RREB1: variants seen among roughly 807,000 people sequenced by gnomAD.
The protein encoded by RREB1 is ras responsive element binding protein 1.
In RREB1, 27 loss-of-function variants were observed where a neutral mutation model predicts 117.8. The ratio of observed to expected loss-of-function variants is 0.23; its 90% confidence interval spans 0.17 to 0.32. The LOEUF (loss-of-function observed/expected upper bound fraction) is 0.32. RREB1 is among the 10% of genes least tolerant of loss of function. The probability of loss-of-function intolerance (pLI) is 1.00; values close to 1 mark genes in which losing one functional copy is unlikely to be tolerated. For missense variants in RREB1, 2,577 were observed against 2,378.2 expected (o/e 1.08, Z -1.74); for synonymous variants, 1,298 against 1,026.7 (o/e 1.26, Z -5.05).
At chr6:7,182,391 T>A (rs1437897480) in intron 4 of RREB1, among the ~76,000 whole-genome samples, 1 of 152,240 alleles carries the variant, frequency 6.6e-6, no homozygotes, top group South Asian at 2.1e-4. Flanking sequence ...ATTTCTGTGA[T>A]GTGGTTTGTT....
intron 1 of RREB1, among the ~76,000 whole-genome samples, chr6:7,168,253 T>TGA (rs1764050758): frequency 3.7e-5 from 3 of 81,400 alleles, no homozygotes; most frequent in Non-Finnish European, 6.8e-5. Flanking sequence ...AGACTCCGTC[T>TGA]GAAAAAAAAA....
rs143321297 is a variant in RREB1, at chr6:7,108,316, T to TTCCTCCTCCTCCTCCTCCTCC, written c.-285+260_-285+280dup. On this transcript the variant is annotated intron_variant, in intron 1 of 12. Transcript: ENST00000379938. ...TCCCCTCGGGCTGCGCGCCGGGCCA[T>TTCCTCCTCCTCCTCCTCCTCC]TCCTCCTCCTCCTCCTCCTCCTCCC... Among the ~76,000 whole-genome samples the TTCCTCCTCCTCCTCCTCCTCC allele has an allele frequency of 4.4e-3, 649 of 148,112 alleles. 4 individuals are homozygous for TTCCTCCTCCTCCTCCTCCTCC. The highest frequency in any genetic ancestry group is 5.6e-3 in the Non-Finnish European group (374 of 66,322).
chr6:7,178,441 G>A (rs188640289), intron 2 of RREB1, among the ~76,000 whole-genome samples: 2 of 152,278 alleles, frequency 1.3e-5, no homozygotes, highest in East Asian at 1.9e-4. Flanking sequence ...GCTCTGGTTC[G>A]ATGATCTTGT....
At chr6:7,180,565 T>G (rs1482269433) in intron 2 of RREB1, among the ~76,000 whole-genome samples, 1 of 152,250 alleles carries the variant, frequency 6.6e-6, no homozygotes, top group Non-Finnish European at 1.5e-5. Flanking sequence ...TCATACCTAC[T>G]GACTGGACCT....
chr6:7,251,037 G>A lies in RREB1; in HGVS notation c.*2069G>A, dbSNP rs1254147987. The A allele has an allele frequency of 6.6e-6, 1 of 151,852 alleles. No individual in the cohort carries two copies. Among genetic ancestry groups the A allele is most frequent in the Non-Finnish European group, 1.5e-5 (1 of 67,970 alleles). The allele number at this position is 151,852 out of a possible 1,614,324, so 9.4% of individuals were successfully genotyped here. ...TTGTTATTATTATTTGGGGTTTCTT[G>A]TGTTTTTTCTTTGCGACTCTCCACA... On this transcript the variant is annotated 3_prime_UTR_variant, in exon 13 of 13. Coordinates refer to ENST00000379938, the MANE Select transcript of RREB1 (RefSeq NM_001003699.4).
intron 1 of RREB1, among the ~76,000 whole-genome samples, chr6:7,117,497 G>A (rs750356791): frequency 3.8e-5 from 5 of 132,792 alleles, no homozygotes; most frequent in African/African-American, 5.7e-5. Flanking sequence ...TGCAACCTCC[G>A]CCTCCCAGGT....
Position 7,230,338 on chromosome 6 carries a change from G to C in RREB1, c.2239G>C (p.Ala747Pro). 1.3e-6 allele frequency: 2 copies of C among 1,589,372 alleles called. No individual in the cohort carries two copies. Among genetic ancestry groups the C allele is most frequent in the South Asian group, 2.2e-5 (2 of 89,902 alleles). Residue 747 changes from alanine to proline, a missense_variant, in exon 10 of 13, where the codon GCC becomes CCC. Transcript: ENST00000379938. ...TAGCAGCGCGGCCGAGCTGGTGGACGCCTTCTGCGCCCCGGACACCGTGTG... is the reference window on the plus strand; with the variant it reads ...TAGCAGCGCGGCCGAGCTGGTGGACCCCTTCTGCGCCCCGGACACCGTGTG... Reference protein sequence around the residue: ...VSSSAAELVDAFCAPDTVCRL... With the variant: ...VSSSAAELVDPFCAPDTVCRL...
At chr6:7,241,320 C>G (rs1365766747) in intron 11 of RREB1, among the ~76,000 whole-genome samples, 2 of 152,120 alleles carry the variant, frequency 1.3e-5, no homozygotes, top group African/African-American at 2.4e-5. Flanking sequence ...TCCATCCGCT[C>G]GGACTGCTGG....
intron 1 of RREB1, among the ~76,000 whole-genome samples, chr6:7,132,631 G>A (rs1762199134): frequency 6.6e-6 from 1 of 152,216 alleles, no homozygotes; most frequent in Non-Finnish European, 1.5e-5. Context: ...GCAGTTGGGT[G>A]TCTTGCCCAT....
intron 1 of RREB1, among the ~76,000 whole-genome samples, chr6:7,143,895 A>T (rs1762744956): frequency 7.4e-6 from 1 of 135,390 alleles, no homozygotes; most frequent in South Asian, 2.3e-4. Flanking sequence ...TTTGCTTTAA[A>T]TACCACCATT....
chr6:7,200,071 G>A (rs1047742225), intron 6 of RREB1, among the ~76,000 whole-genome samples: 2 of 152,058 alleles, frequency 1.3e-5, no homozygotes, highest in Admixed American at 6.6e-5. Context: ...AGTCTCTTGT[G>A]TAGCCTGTTT....
chr6:7,155,578 T>C (rs949462426), intron 1 of RREB1, among the ~76,000 whole-genome samples: 2 of 152,270 alleles, frequency 1.3e-5, no homozygotes, highest in African/African-American at 4.8e-5. Flanking sequence ...CCCAAGGTGC[T>C]GGGATTACAG....
In RREB1 at chr6:7,230,906, A is replaced by G; in HGVS notation, c.2807A>G (p.Asp936Gly). The G allele has an allele frequency of 6.2e-7, 1 of 1,613,982 alleles. No individual in the cohort carries two copies. The highest frequency in any genetic ancestry group is 8.5e-7 in the Non-Finnish European group (1 of 1,179,944). ...TATGACTGCTCCATGGAGCCCATCG[A>G]CCTGTCCATCCCCAAGAACTTCAGG... Reference protein sequence around the residue: ...VPYDCSMEPIDLSIPKNFRKG... With the variant: ...VPYDCSMEPIGLSIPKNFRKG... The change falls in exon 10 of 13, where the codon GAC (aspartate) becomes GGC (glycine). Residue 936 changes from aspartate (D) to glycine (G), a missense_variant. Asp to Gly is a moderately conservative substitution (Grantham distance 94). Transcript: ENST00000379938.
At chr6:7,172,349 C>G (rs975713005) in intron 1 of RREB1, among the ~76,000 whole-genome samples, 1 of 151,884 alleles carries the variant, frequency 6.6e-6, no homozygotes, top group Non-Finnish European at 1.5e-5. Context: ...TTGCTGCCCC[C>G]CTTCACCTCT....
At position 7,240,588 on chromosome 6, in the gene RREB1, C is replaced by T; in HGVS notation, c.3959C>T (p.Ser1320Phe). ...CAGTCAAAAGAGAGTGATGTTGGAT[C>T]CCATGATAGCACAGGTAGTGCCGCC... ...IPQSKESDVGSHDSTDSQSDA... is the reference protein window; with the variant it reads ...IPQSKESDVGFHDSTDSQSDA... Residue 1320 changes from serine (S) to phenylalanine (F), a missense_variant, in exon 11 of 13, where the codon TCC becomes TTC. By Grantham distance (155) the Ser-to-Phe change is radical (BLOSUM62 -2). Coordinates refer to ENST00000379938, the MANE Select transcript of RREB1 (RefSeq NM_001003699.4). The T allele has an allele frequency of 6.2e-7, 1 of 1,612,770 alleles. No homozygotes were observed. Among genetic ancestry groups the T allele is most frequent in the Non-Finnish European group, 8.5e-7 (1 of 1,179,318 alleles).
chr6:7,208,387 G>C (rs2113611661), intron 6 of RREB1, among the ~76,000 whole-genome samples: 1 of 152,324 alleles, frequency 6.6e-6, no homozygotes, highest in Non-Finnish European at 1.5e-5. Context: ...TCCATCGTCA[G>C]ACCTGGCCGG....
chr6:7,194,824 T>C (rs1202778912), intron 6 of RREB1, among the ~76,000 whole-genome samples: 2 of 152,142 alleles, frequency 1.3e-5, no homozygotes, highest in Admixed American at 1.3e-4. Flanking sequence ...AGTTTCTGAG[T>C]CTGTATTGTT....
At chr6:7,166,875 C>T (rs943015090) in intron 1 of RREB1, among the ~76,000 whole-genome samples, 5 of 152,134 alleles carry the variant, frequency 3.3e-5, no homozygotes, top group African/African-American at 4.8e-5. Flanking sequence ...AAGGCCAGCC[C>T]GGCGACCTCA....
intron 1 of RREB1, among the ~76,000 whole-genome samples, chr6:7,121,278 G>A (rs1235167807): frequency 6.6e-6 from 1 of 152,122 alleles, no homozygotes; most frequent in Non-Finnish European, 1.5e-5. Flanking sequence ...AATCTTAAAA[G>A]CACTGAAGTG....
Sources: allele counts gnomAD v4.1 joint callset (sites outside exome capture counted in the v4.1 genomes callset), GRCh38; gene constraint gnomAD v4.1.1; transcripts MANE v1.5; gene names NCBI Gene and HGNC (gene_info 2026-07-23, HGNC 2026-07-21).